Variants in GPR63 observed in about 807,000 individuals in gnomAD.
GPR63 encodes the protein G protein-coupled receptor 63.
In GPR63, 12 loss-of-function variants were observed where a neutral mutation model predicts 23.1. The ratio of observed to expected loss-of-function variants is 0.52; its 90% confidence interval spans 0.33 to 0.84. GPR63 has a LOEUF of 0.84. GPR63 is among the 40% of genes least tolerant of loss of function. The probability of loss-of-function intolerance (pLI) is 0.02; values close to 1 mark genes in which losing one functional copy is unlikely to be tolerated. For missense variants in GPR63, 472 were observed against 515.6 expected, an observed-to-expected ratio of 0.92 and a Z score of 0.82; for synonymous variants, 172 against 191.1, an observed-to-expected ratio of 0.90 and a Z score of 0.82.
Position 96,799,185 on chromosome 6 carries a change from T to C in GPR63, c.547A>G (p.Ile183Val), listed in dbSNP as rs928458094. Residue 183 changes from isoleucine to valine, a missense_variant, in exon 2 of 2, where the codon ATA becomes GTA. Ile to Val is a conservative substitution (Grantham distance 29). Coordinates refer to ENST00000229955, the MANE Select transcript of GPR63 (RefSeq NM_030784.4). ...LIISIDRFLI[I>V]VQRQDKLNPY... is the part of the protein sequence containing the mutation. ...TTTAGCTTATCCTGCCTCTGGACTA[T>C]AATAAGGAACCTATCTATGCTAATG... 14 of 1,614,000 alleles carry C rather than the reference T, an allele frequency of 8.7e-6. 1 individual carries two copies. Among genetic ancestry groups the C allele is most frequent in the Middle Eastern group, 1.6e-4 (1 of 6,084 alleles).
chr6:96,816,343 T>TA (rs1436740715), intron 1 of GPR63, among the ~76,000 whole-genome samples: 1 of 152,146 alleles, frequency 6.6e-6, no homozygotes, highest in Non-Finnish European at 1.5e-5. Context: ...AATGTAAACT[T>TA]ACAGCAATTC....
intron 1 of GPR63, among the ~76,000 whole-genome samples, chr6:96,831,434 CAAA>C (rs74893582): frequency 9.4e-6 from 1 of 105,834 alleles, no homozygotes. Flanking sequence ...TTACACTTAC[CAAA>C]AAAAAAAAAA....
intron 1 of GPR63, among the ~76,000 whole-genome samples, chr6:96,822,786 G>T (rs1774345270): frequency 6.6e-6 from 1 of 152,122 alleles, no homozygotes; most frequent in Non-Finnish European, 1.5e-5. Context: ...GTAACTACTG[G>T]GTTATGCCAT....
Position 96,798,522 on chromosome 6 carries a change from T to A in GPR63, c.1210A>T (p.Ile404Leu), listed in dbSNP as rs1773654000. The change falls in exon 2 of 2, where the codon ATA becomes TTA. Residue 404 changes from isoleucine to leucine, a missense_variant. Transcript: ENST00000229955. Reference sequence around the variant, plus strand: ...CACACATAGACAGCACTAGGACGTATCCGTCGCTTTGTGTGACCAGGGAGC... The same window carrying A: ...CACACATAGACAGCACTAGGACGTAACCGTCGCTTTGTGTGACCAGGGAGC... ...PQLPGHTKRR[I>L]RPSAVYVCGE... is the part of the protein sequence containing the mutation. 2.5e-6 allele frequency: 4 copies of A among 1,614,202 alleles called. No individual in the cohort carries two copies. The highest frequency in any genetic ancestry group is 3.4e-6 in the Non-Finnish European group (4 of 1,180,028).
Position 96,798,853 on chromosome 6 carries a change from G to A in GPR63, c.879C>T (p.Leu293=). Residue 293 remains leucine, a synonymous_variant, in exon 2 of 2, where the codon CTC becomes CTT. Transcript: ENST00000229955. ...TCTGGAAAGGTCTCTGCAGACTCAT[G>A]AGACCCAGTTTGCTGGCCTGGCTGA... ...ICLSQASKLG[L]MSLQRPFQMS... 6.2e-7 allele frequency: 1 copy of A among 1,614,236 alleles called. No individual in the cohort carries two copies. The highest frequency in any genetic ancestry group is 8.5e-7 in the Non-Finnish European group (1 of 1,180,052).
At chr6:96,824,504 G>A (rs538652364) in intron 1 of GPR63, among the ~76,000 whole-genome samples, 1 of 151,338 alleles carries the variant, frequency 6.6e-6, no homozygotes, top group Non-Finnish European at 1.5e-5. Context: ...CAAGTAAAAG[G>A]GCTACATAAT....
At chr6:96,814,050 C>CAAAAGAAA (rs1227516977) in intron 1 of GPR63, among the ~76,000 whole-genome samples, 1 of 151,894 alleles carries the variant, frequency 6.6e-6, no homozygotes, top group Non-Finnish European at 1.5e-5. Context: ...TACTTCAAAG[C>CAAAAGAAA]AAAAGAAAAA....
intron 1 of GPR63, among the ~76,000 whole-genome samples, chr6:96,814,830 A>G (rs1184709161): frequency 6.6e-6 from 1 of 151,880 alleles, no homozygotes; most frequent in East Asian, 1.9e-4. Context: ...AAAATGACCA[A>G]AAAAAAATGT....
intron 1 of GPR63, among the ~76,000 whole-genome samples, chr6:96,810,695 T>G (rs1774020910): frequency 6.6e-6 from 1 of 152,098 alleles, no homozygotes; most frequent in African/African-American, 2.4e-5. Flanking sequence ...TATGTAGATG[T>G]GTGTGTATAT....
intron 1 of GPR63, among the ~76,000 whole-genome samples, chr6:96,805,386 A>G (rs1773869332): frequency 6.6e-6 from 1 of 152,172 alleles, no homozygotes; most frequent in African/African-American, 2.4e-5. Flanking sequence ...GGCATTCATG[A>G]GGGATCCACC....
chr6:96,824,815 A>T (rs1189124184), intron 1 of GPR63, among the ~76,000 whole-genome samples: 1 of 152,086 alleles, frequency 6.6e-6, no homozygotes, highest in Non-Finnish European at 1.5e-5. Flanking sequence ...CCCACATAGT[A>T]AGACACCTGC....
chr6:96,797,218 G>A lies in GPR63; in HGVS notation c.*1254C>T, dbSNP rs896882917. 7 of 151,846 alleles carry A rather than the reference G, an allele frequency of 4.6e-5. No homozygotes were observed. Among genetic ancestry groups the A allele is most frequent in the East Asian group, 3.9e-4 (2 of 5,178 alleles). The allele number at this position is 151,846 out of a possible 1,614,324, so 9.4% of individuals were successfully genotyped here. ...TGCACTCCAGCCTGGGTGGCAAAGC[G>A]AGACTCCAAAAAACAAAAAGTGGTT... On this transcript the variant is annotated 3_prime_UTR_variant, in exon 2 of 2. Coordinates refer to ENST00000229955, the MANE Select transcript of GPR63 (RefSeq NM_030784.4).
chr6:96,814,536 A>C (rs1242616012), intron 1 of GPR63, among the ~76,000 whole-genome samples: 1 of 152,114 alleles, frequency 6.6e-6, no homozygotes, highest in Non-Finnish European at 1.5e-5. Context: ...TGCCAATCAC[A>C]CAGCTGGTGG....
chr6:96,824,387 C>A (rs950733278), intron 1 of GPR63, among the ~76,000 whole-genome samples: 4 of 151,950 alleles, frequency 2.6e-5, no homozygotes. Flanking sequence ...AAGCAGAATT[C>A]ATCTAAACAA....
At chr6:96,832,687 C>T (rs1320925762) in intron 1 of GPR63, among the ~76,000 whole-genome samples, 1 of 151,794 alleles carries the variant, frequency 6.6e-6, no homozygotes, top group Non-Finnish European at 1.5e-5. Context: ...CTAATGGGTA[C>T]AAGGCTTAAT....
Position 96,795,670 on chromosome 6 carries a change from T to G in GPR63, c.*2802A>C, listed in dbSNP as rs924983266. On this transcript the variant is annotated 3_prime_UTR_variant, in exon 2 of 2. Transcript: ENST00000229955. Reference sequence around the variant, plus strand: ...GCCTATTAAGCAGCATGAAAGTACCTAAAGACTGCCCATAAAACAGGAACA... The same window carrying G: ...GCCTATTAAGCAGCATGAAAGTACCGAAAGACTGCCCATAAAACAGGAACA... 4 of 152,140 alleles carry G rather than the reference T, an allele frequency of 2.6e-5. No individual in the cohort carries two copies. The highest frequency in any genetic ancestry group is 5.9e-5 in the Non-Finnish European group (4 of 68,040). 9.4% of individuals were successfully genotyped at this position (152,140 alleles called of 1,614,324 possible).
At chr6:96,810,793 A>G (rs182999084) in intron 1 of GPR63, among the ~76,000 whole-genome samples, 36 of 152,314 alleles carry the variant, frequency 2.4e-4, no homozygotes, top group African/African-American at 8.2e-4. Flanking sequence ...CTGGTATGAA[A>G]TTAAGGGAGT....
At chr6:96,835,606 T>C (rs1350426377) in intron 1 of GPR63, among the ~76,000 whole-genome samples, 2 of 152,180 alleles carry the variant, frequency 1.3e-5, no homozygotes, top group East Asian at 1.9e-4. Flanking sequence ...AGTAACTACA[T>C]AGGGGTTTTA....
intron 1 of GPR63, among the ~76,000 whole-genome samples, chr6:96,814,137 A>C (rs1449419244): frequency 6.6e-6 from 1 of 152,152 alleles, no homozygotes; most frequent in African/African-American, 2.4e-5. Context: ...CTTTATATCT[A>C]ATACATACAA....
Sources: gnomAD v4.1 joint callset for allele counts (sites outside exome capture counted in the v4.1 genomes callset) on GRCh38, gnomAD v4.1.1 for gene constraint, MANE v1.5 for transcripts, NCBI Gene and HGNC (gene_info 2026-07-23, HGNC 2026-07-21) for gene names.